PHACTR1: variants seen among roughly 807,000 people sequenced by gnomAD.
PHACTR1 encodes the protein RPEL repeat containing 1.
In PHACTR1, 16 loss-of-function variants were observed where a neutral mutation model predicts 69.2. That is an observed-to-expected ratio of 0.23 (90% CI 0.16 to 0.35). The LOEUF (loss-of-function observed/expected upper bound fraction) is 0.35. Among genes scored for constraint, PHACTR1 ranks in the 10% least tolerant of loss-of-function variants. The probability of loss-of-function intolerance (pLI) is 1.00; values close to 1 mark genes in which losing one functional copy is unlikely to be tolerated. For missense variants in PHACTR1, 510 were observed against 734.7 expected (o/e 0.69, Z 3.54); for synonymous variants, 312 against 284.5 (o/e 1.10, Z -0.97).
At chr6:13,117,387 G>A (rs906192087) in intron 5 of PHACTR1, among the ~76,000 whole-genome samples, 1 of 152,142 alleles carries the variant, frequency 6.6e-6, no homozygotes, top group African/African-American at 2.4e-5. Context: ...CAGTAGTGAT[G>A]TCATATGGAT....
intron 4 of PHACTR1, among the ~76,000 whole-genome samples, chr6:12,985,544 AT>A (rs1796069584): frequency 2.7e-4 from 36 of 131,990 alleles, no homozygotes; most frequent in Admixed American, 8.3e-4. Flanking sequence ...AAAAAAAAAT[AT>A]ATATATATAT....
intron 13 of PHACTR1, among the ~76,000 whole-genome samples, chr6:13,285,549 T>G (rs1348513123): frequency 6.6e-6 from 1 of 152,194 alleles, no homozygotes; most frequent in Non-Finnish European, 1.5e-5. Context: ...AGGCCCTGTG[T>G]CTTCAGTGGC....
chr6:12,847,888 C>T (rs572005204), intron 4 of PHACTR1, among the ~76,000 whole-genome samples: 11 of 152,146 alleles, frequency 7.2e-5, no homozygotes, highest in East Asian at 3.9e-4. Context: ...CCCTTTGAAA[C>T]GATTTCTATC....
intron 3 of PHACTR1, among the ~76,000 whole-genome samples, chr6:12,729,050 C>G (rs1246776931): frequency 6.6e-6 from 1 of 152,160 alleles, no homozygotes. Flanking sequence ...GTTAATTATG[C>G]TTTAATTTTG....
At chr6:12,744,096 C>A (rs1765455849) in intron 3 of PHACTR1, among the ~76,000 whole-genome samples, 1 of 152,184 alleles carries the variant, frequency 6.6e-6, no homozygotes, top group African/African-American at 2.4e-5. Flanking sequence ...TAAATATGTT[C>A]TTTGAAAGAA....
At chr6:12,943,852 T>C (rs1790309123) in intron 4 of PHACTR1, among the ~76,000 whole-genome samples, 1 of 152,212 alleles carries the variant, frequency 6.6e-6, no homozygotes, top group Non-Finnish European at 1.5e-5. Flanking sequence ...TTATTTTATA[T>C]TTGAGATAAT....
At chr6:13,108,635 G>T (rs979015313) in intron 5 of PHACTR1, among the ~76,000 whole-genome samples, 3 of 151,980 alleles carry the variant, frequency 2.0e-5, no homozygotes, top group Non-Finnish European at 4.4e-5. Context: ...TTCTTGTCAT[G>T]AAGGTTATTT....
At chr6:12,826,306 G>T (rs1776795426) in intron 4 of PHACTR1, among the ~76,000 whole-genome samples, 1 of 152,160 alleles carries the variant, frequency 6.6e-6, no homozygotes, top group Non-Finnish European at 1.5e-5. Flanking sequence ...TAAAAATAAA[G>T]TATTGGGCAA....
intron 4 of PHACTR1, among the ~76,000 whole-genome samples, chr6:12,818,998 T>C (rs1263855795): frequency 1.3e-5 from 2 of 152,226 alleles, no homozygotes; most frequent in Non-Finnish European, 2.9e-5. Context: ...TTGGAAAACA[T>C]TTGAAGCAAA....
chr6:12,908,494 A>G (rs1464212558), intron 4 of PHACTR1, among the ~76,000 whole-genome samples: 1 of 152,070 alleles, frequency 6.6e-6, no homozygotes, highest in Non-Finnish European at 1.5e-5. Context: ...TGCTAAGTGC[A>G]GTTGCAGAGA....
chr6:12,819,148 C>T (rs1775921270), intron 4 of PHACTR1, among the ~76,000 whole-genome samples: 1 of 152,210 alleles, frequency 6.6e-6, no homozygotes, highest in South Asian at 2.1e-4. Flanking sequence ...TCATCTGCCA[C>T]TCTATTTCCA....
intron 4 of PHACTR1, among the ~76,000 whole-genome samples, chr6:13,052,851 T>G (rs1806156533): frequency 6.6e-6 from 1 of 152,226 alleles, no homozygotes; most frequent in Non-Finnish European, 1.5e-5. Context: ...CAGATTTCAG[T>G]GCTGCTGAAG....
At chr6:12,917,192 T>C (rs1378488410) in intron 4 of PHACTR1, among the ~76,000 whole-genome samples, 1 of 152,260 alleles carries the variant, frequency 6.6e-6, no homozygotes, top group East Asian at 1.9e-4. Context: ...TTTCAAGTTG[T>C]ACACCAGTTT....
intron 5 of PHACTR1, among the ~76,000 whole-genome samples, chr6:13,087,772 A>G (rs1348608443): frequency 6.6e-6 from 1 of 151,570 alleles, no homozygotes; most frequent in East Asian, 1.9e-4. Context: ...GAGCCTCCCT[A>G]GTAGCTGGGA....
intron 11 of PHACTR1, chr6:13,273,873 T>C (rs1328861927): frequency 6.6e-6 from 1 of 152,092 alleles, no homozygotes; most frequent in Admixed American, 6.6e-5. Flanking sequence ...AAATGCTATG[T>C]TGTACAGACT....
At chr6:13,061,455 T>C (rs1304109200) in intron 5 of PHACTR1, among the ~76,000 whole-genome samples, 2 of 152,140 alleles carry the variant, frequency 1.3e-5, no homozygotes, top group East Asian at 1.9e-4. Flanking sequence ...GAAGTTTAAA[T>C]TGGTCAGTGG....
In PHACTR1 at chr6:13,087,183, G is replaced by T. The variant is rs570809519; in HGVS notation, c.415+33654G>T. On this transcript the variant is annotated intron_variant, in intron 5 of 14. Coordinates refer to ENST00000332995, the MANE Select transcript of PHACTR1 (RefSeq NM_030948.6). The stretch of plus-strand genomic sequence containing the variant: ...TATATAACATATGTATAAAATATAT[G>T]AATATATTTTAGATATCTAATATAT... Among the ~76,000 whole-genome samples, 12 of 142,652 alleles carry T rather than the reference G, an allele frequency of 8.4e-5. No individual in the cohort carries two copies. The South Asian group carries it at 2.6e-3, about 30-fold the overall frequency. 93.6% of individuals were successfully genotyped at this position (142,652 alleles called of 152,430 possible). A position where few individuals can be genotyped will look rare whatever the true frequency, so the allele number is the denominator to read the frequency against.
rs78632863 is a variant in PHACTR1, at chr6:13,130,130, A to G, written c.416-30074A>G. 4.5e-3 allele frequency among the ~76,000 whole-genome samples: 690 copies of G among 152,298 alleles called. 4 individuals are homozygous for G. The highest frequency in any genetic ancestry group is 0.016 in the African/African-American group (654 of 41,570). On this transcript the variant is annotated intron_variant, in intron 5 of 14. Transcript: ENST00000332995. ...AACAATAATAGTGACACAATTTACCAAAACCTCTAGGCTTCAGCAAAGGTG... is the reference window on the plus strand; with the variant it reads ...AACAATAATAGTGACACAATTTACCGAAACCTCTAGGCTTCAGCAAAGGTG...
chr6:13,248,646 A>G (rs1463189781), intron 10 of PHACTR1, among the ~76,000 whole-genome samples: 3 of 152,196 alleles, frequency 2.0e-5, no homozygotes, highest in Non-Finnish European at 4.4e-5. Flanking sequence ...AGACCCTGTT[A>G]GAGGAGATAA....
Sources: allele counts gnomAD v4.1 joint callset (sites outside exome capture counted in the v4.1 genomes callset), GRCh38; gene constraint gnomAD v4.1.1; transcripts MANE v1.5; gene names NCBI Gene and HGNC (gene_info 2026-07-23, HGNC 2026-07-21).